Variants in SPATA6 observed in about 807,000 individuals in gnomAD.
SPATA6 encodes the protein spermatogenesis associated 6.
A neutral mutation model predicts 65.3 loss-of-function variants in SPATA6; 56 were observed. The observed-to-expected ratio is 0.86, with a 90% CI of 0.69 to 1.07. The LOEUF is 1.07. Ranked by LOEUF, SPATA6 falls within the 50% of genes least tolerant of loss-of-function variation. The pLI, the probability that SPATA6 is intolerant of heterozygous loss-of-function variation, is 0.00. For synonymous variants in SPATA6, 199 were observed against 213.2 expected (o/e 0.93, Z 0.58); for missense variants, 590 against 594.8 (o/e 0.99, Z 0.08).
intron 9 of SPATA6, among the ~76,000 whole-genome samples, chr1:48,379,313 C>T (rs1467959594): frequency 2.0e-5 from 3 of 152,130 alleles, no homozygotes; most frequent in East Asian, 1.9e-4. Flanking sequence ...CTCTCTCTCT[C>T]GACAGGTGGG....
At chr1:48,465,017 G>A (rs1337724459) in intron 1 of SPATA6, among the ~76,000 whole-genome samples, 10 of 152,046 alleles carry the variant, frequency 6.6e-5, no homozygotes. Flanking sequence ...TGAAAAACAT[G>A]CAGTACTAAA....
At chr1:48,398,986 C>A (rs960888878) in intron 7 of SPATA6, 1 of 165,596 alleles carries the variant, frequency 6.0e-6, no homozygotes, top group Non-Finnish European at 1.3e-5. Context: ...GAGGGTCTTC[C>A]TTTTCATAAA....
Position 48,423,673 on chromosome 1 carries a change from G to A in SPATA6, c.239-10522C>T, listed in dbSNP as rs564407632. ...AGTGATTCTCCAGTCTCAGCCTCCC[G>A]AGTAGCTGGAATTATAGGCATCCGC... is the stretch of plus-strand genomic sequence containing the variant. On this transcript the variant is annotated intron_variant, in intron 3 of 12. Transcript: ENST00000371847. 3.5e-5 allele frequency among the ~76,000 whole-genome samples: 5 copies of A among 144,450 alleles called. No individual in the cohort carries two copies. In the South Asian group the frequency reaches 9.0e-4, roughly 26 times the overall value. 94.8% of individuals were successfully genotyped at this position (144,450 alleles called of 152,430 possible).
chr1:48,428,529 A>G (rs1291938703), intron 3 of SPATA6, among the ~76,000 whole-genome samples: 10 of 152,188 alleles, frequency 6.6e-5, no homozygotes, highest in Non-Finnish European at 5.9e-5. Context: ...GAAACTAGGG[A>G]AAAACATTAA....
rs1004508440 is a variant in SPATA6 at position 48,318,679 on chromosome 1, T to C, written c.1195-12801A>G. Among the ~76,000 whole-genome samples the C allele has an allele frequency of 1.3e-5, 2 of 152,182 alleles. 1 individual carries two copies. Among genetic ancestry groups the C allele is most frequent in the African/African-American group, 4.8e-5 (2 of 41,468 alleles). On this transcript the variant is annotated intron_variant, in intron 11 of 12. Coordinates refer to ENST00000371847, the MANE Select transcript of SPATA6 (RefSeq NM_019073.4). ...TCAAAAGATATTTAAACAATTATTATTAAGAAAGCAATATCCTCCAAAATG... is the reference window on the plus strand; with the variant it reads ...TCAAAAGATATTTAAACAATTATTACTAAGAAAGCAATATCCTCCAAAATG...
chr1:48,361,351 G>C (rs1363148912), intron 9 of SPATA6, among the ~76,000 whole-genome samples: 2 of 152,040 alleles, frequency 1.3e-5, no homozygotes, highest in Non-Finnish European at 2.9e-5. Flanking sequence ...GTAACTAATG[G>C]GTAAATATAA....
At chr1:48,388,771 C>T (rs748212446) in intron 8 of SPATA6, among the ~76,000 whole-genome samples, 5 of 151,340 alleles carry the variant, frequency 3.3e-5, no homozygotes, top group African/African-American at 9.7e-5. Context: ...TGCAGTGGCA[C>T]GATTTTGGCT....
intron 5 of SPATA6, among the ~76,000 whole-genome samples, chr1:48,409,492 G>GC (rs1652014056): frequency 6.6e-6 from 1 of 152,336 alleles, no homozygotes; most frequent in Admixed American, 6.5e-5. Flanking sequence ...GAGAATGGTG[G>GC]CCCTCTTCTC....
chr1:48,262,119 G>A, the SPATA6 span: 1 of 152,110 alleles, frequency 6.6e-6, no homozygotes, highest in Non-Finnish European at 1.5e-5. Flanking sequence ...TTCTGCATGA[G>A]CAACAAGAAA....
intron 11 of SPATA6, among the ~76,000 whole-genome samples, chr1:48,331,321 C>T (rs1007597162): frequency 2.0e-5 from 3 of 151,612 alleles, no homozygotes; most frequent in Non-Finnish European, 4.4e-5. Flanking sequence ...TGCAAGGAAG[C>T]TAATAATCAC....
chr1:48,471,964 GAT>G lies in SPATA6; in HGVS notation c.43_44del (p.Ile15GlnfsTer11). 6.2e-7 allele frequency: 1 copy of G among 1,605,612 alleles called. No individual in the cohort carries two copies. Among genetic ancestry groups the G allele is most frequent in the South Asian group, 1.1e-5 (1 of 89,996 alleles). On this transcript the variant is annotated frameshift_variant, in exon 1 of 13. Coordinates refer to ENST00000371847, the MANE Select transcript of SPATA6 (RefSeq NM_019073.4). LOFTEE classifies it high-confidence loss of function. ...KALQCALALE[I>X]SSVTCPGVVL... ...AGGCGCTACCGGTACTCACTGAGCTGATCTCCAGCGCCAGGGCGCACTGCAGC... is the reference window on the plus strand; with the variant it reads ...AGGCGCTACCGGTACTCACTGAGCTGCTCCAGCGCCAGGGCGCACTGCAGC...
At chr1:48,375,536 A>T (rs1167290748) in intron 9 of SPATA6, among the ~76,000 whole-genome samples, 8 of 151,872 alleles carry the variant, frequency 5.3e-5, no homozygotes, top group Admixed American at 3.9e-4. Context: ...ATTTTTTTTT[A>T]ATTGTTTTCT....
At chr1:48,344,867 T>A (rs1400389972) in intron 11 of SPATA6, among the ~76,000 whole-genome samples, 1 of 152,074 alleles carries the variant, frequency 6.6e-6, no homozygotes, top group South Asian at 2.1e-4. Flanking sequence ...GCACGCAGAT[T>A]TATAAAGCAA....
chr1:48,383,297 G>A (rs1234283195), intron 9 of SPATA6, among the ~76,000 whole-genome samples: 2 of 44,456 alleles, frequency 4.5e-5, no homozygotes, highest in African/African-American at 6.5e-5. Context: ...GCGGCTGGCC[G>A]GGCGGGGGGC....
At chr1:48,286,271 C>T in the SPATA6 span, among the ~76,000 whole-genome samples, 2 of 151,360 alleles carry the variant, frequency 1.3e-5, no homozygotes, top group East Asian at 3.9e-4. Flanking sequence ...TTGGGTAGTA[C>T]AGACATTTTA....
chr1:48,424,173 G>A (rs764409388), intron 3 of SPATA6, among the ~76,000 whole-genome samples: 19 of 152,048 alleles, frequency 1.2e-4, no homozygotes, highest in Non-Finnish European at 2.6e-4. Flanking sequence ...GCCTCTGGGA[G>A]CCATCCTTCT....
At chr1:48,261,609 C>G in the SPATA6 span, among the ~76,000 whole-genome samples, 118 of 152,162 alleles carry the variant, frequency 7.8e-4, 1 homozygote, top group Middle Eastern at 0.01. Flanking sequence ...TATCTCAAAA[C>G]CACTCGCGTG....
chr1:48,351,939 A>G (rs1646523126), intron 11 of SPATA6, among the ~76,000 whole-genome samples: 1 of 152,036 alleles, frequency 6.6e-6, no homozygotes, highest in Non-Finnish European at 1.5e-5. Context: ...TACAAATTCA[A>G]TTTCTTTAAT....
intron 8 of SPATA6, among the ~76,000 whole-genome samples, chr1:48,387,879 C>T (rs1319400057): frequency 1.3e-5 from 2 of 152,204 alleles, no homozygotes; most frequent in Non-Finnish European, 2.9e-5. Flanking sequence ...AAACAATGCA[C>T]ACCGCTTGGG....
Sources: gnomAD v4.1 joint callset for allele counts (sites outside exome capture counted in the v4.1 genomes callset) on GRCh38, gnomAD v4.1.1 for gene constraint, MANE v1.5 for transcripts, NCBI Gene and HGNC (gene_info 2026-07-23, HGNC 2026-07-21) for gene names.